Variants in VPS37C observed in about 807,000 individuals in gnomAD.
The protein encoded by VPS37C is VPS37C subunit of ESCRT-I.
Under a neutral mutation model 16.1 loss-of-function variants are expected in VPS37C, and 9 were observed. The observed-to-expected ratio is 0.56, with a 90% CI of 0.34 to 0.97. The LOEUF is 0.97. Ranked by LOEUF, VPS37C falls within the 50% of genes least tolerant of loss-of-function variation. VPS37C has a pLI of 0.02. For synonymous variants in VPS37C, 207 were observed against 206.4 expected (o/e 1.00, Z -0.02); for missense variants, 479 against 472.7 (o/e 1.01, Z -0.12).
intron 2 of VPS37C, among the ~76,000 whole-genome samples, chr11:61,134,481 A>C (rs139523333): frequency 2.2e-4 from 33 of 152,302 alleles, no homozygotes; most frequent in African/African-American, 7.9e-4. Flanking sequence ...AGGCCATGTG[A>C]TTGATATCCA....
At position 61,130,412 on chromosome 11, in the gene VPS37C, C is replaced by A; in HGVS notation, c.*1408G>T. 6.1e-6 allele frequency: 1 copy of A among 163,172 alleles called. No homozygotes were observed. Among genetic ancestry groups the A allele is most frequent in the Non-Finnish European group, 1.3e-5 (1 of 75,152 alleles). 10.1% of individuals were successfully genotyped at this position (163,172 alleles called of 1,614,324 possible). On this transcript the variant is annotated 3_prime_UTR_variant, in exon 5 of 5. Coordinates refer to ENST00000301765, the MANE Select transcript of VPS37C (RefSeq NM_017966.5). ...AGCACATTTGGTAAAGAACCGGCAG[C>A]GCTGACCTAGCGTCACGCGGATGGC... is the stretch of plus-strand genomic sequence containing the variant.
chr11:61,148,813 T>C (rs1359990607), intron 1 of VPS37C, among the ~76,000 whole-genome samples: 1 of 152,258 alleles, frequency 6.6e-6, no homozygotes, highest in East Asian at 1.9e-4. Context: ...AGTAGCTCAC[T>C]TCACAGCCTC....
chr11:61,131,488 C>T lies in VPS37C; in HGVS notation c.*332G>A. 1 of 260,206 alleles carries T rather than the reference C, an allele frequency of 3.8e-6. No individual in the cohort carries two copies. The allele number at this position is 260,206 out of a possible 1,614,324, so 16.1% of individuals were successfully genotyped here. Reference sequence around the variant, plus strand: ...AACTCTGCACTGGGTTCAAATGGCCCTGAGTGCAGCCGCAAGTAGATGCTC... The same window carrying T: ...AACTCTGCACTGGGTTCAAATGGCCTTGAGTGCAGCCGCAAGTAGATGCTC... On this transcript the variant is annotated 3_prime_UTR_variant, in exon 5 of 5. Coordinates refer to ENST00000301765, the MANE Select transcript of VPS37C (RefSeq NM_017966.5).
intron 1 of VPS37C, among the ~76,000 whole-genome samples, chr11:61,142,488 C>T (rs886430872): frequency 6.6e-6 from 1 of 152,122 alleles, no homozygotes; most frequent in Non-Finnish European, 1.5e-5. Flanking sequence ...CCCGCCTTGA[C>T]CTCCCAAAGT....
Position 61,159,078 on chromosome 11 carries a change from G to C in VPS37C, c.-7+2313C>G, listed in dbSNP as rs569552542. Among the ~76,000 whole-genome samples the C allele has an allele frequency of 4.6e-5, 7 of 152,328 alleles. No homozygotes were observed. The South Asian group carries it at 1.4e-3, about 32-fold the overall frequency. On this transcript the variant is annotated intron_variant, in intron 1 of 4. Transcript: ENST00000301765. ...GGTCTTGAGTGATCTAATTTTGTCA[G>C]CCTGGAAAACCCCTACTATTACTGG...
In VPS37C at chr11:61,139,428, G is replaced by A. The variant is rs560986124; in HGVS notation, c.-6-593C>T. ...GCCACCAAAATGGACTGTCATATGC[G>A]CATCCTCATAGAAGCAGGAAAAAAA... On this transcript the variant is annotated intron_variant, in intron 1 of 4. Coordinates refer to ENST00000301765, the MANE Select transcript of VPS37C (RefSeq NM_017966.5). Among the ~76,000 whole-genome samples the A allele has an allele frequency of 8.3e-5, 12 of 145,238 alleles. No individual in the cohort carries two copies. The East Asian group carries it at 8.7e-4, about 11-fold the overall frequency.
chr11:61,145,928 T>A (rs1317169342), intron 1 of VPS37C, among the ~76,000 whole-genome samples: 1 of 152,192 alleles, frequency 6.6e-6, no homozygotes, highest in Non-Finnish European at 1.5e-5. Flanking sequence ...CCCGGGAGGA[T>A]GCAGCACTGC....
At chr11:61,144,843 C>T (rs1035458861) in intron 1 of VPS37C, 10 of 152,276 alleles carry the variant, frequency 6.6e-5, no homozygotes, top group African/African-American at 2.4e-4. Context: ...GAGGCCTCCA[C>T]CAAGCTGCTA....
In VPS37C at chr11:61,132,235, G is replaced by C. The variant is rs750172701; in HGVS notation, c.653C>G (p.Thr218Ser). Residue 218 changes from threonine (T) to serine (S), a missense_variant, in exon 5 of 5, where the codon ACT becomes AGT. Transcript: ENST00000301765. The part of the protein sequence containing the change: ...SPSPSLPVGP[T>S]AHGALPPAPF... ...GGCCGGTGGCAGGGCTCCATGGGCA[G>C]TGGGGCCCACAGGCAGGCTGGGGGA... is the stretch of plus-strand genomic sequence containing the variant. The C allele has an allele frequency of 2.0e-6, 3 of 1,519,306 alleles. No homozygotes were observed. The highest frequency in any genetic ancestry group is 2.6e-6 in the Non-Finnish European group (3 of 1,133,340). 94.1% of individuals were successfully genotyped at this position (1,519,306 alleles called of 1,614,324 possible).
intron 1 of VPS37C, among the ~76,000 whole-genome samples, chr11:61,149,729 T>C (rs1435298062): frequency 6.6e-6 from 1 of 152,136 alleles, no homozygotes; most frequent in Non-Finnish European, 1.5e-5. Context: ...CATAGGGAAA[T>C]TGCTTCATGA....
intron 1 of VPS37C, chr11:61,145,299 G>GGGGT: frequency 6.6e-6 from 1 of 152,350 alleles, no homozygotes; most frequent in Admixed American, 6.5e-5. Flanking sequence ...GCCCATCAGA[G>GGGGT]GGGTGCAGTG....
intron 1 of VPS37C, among the ~76,000 whole-genome samples, chr11:61,156,944 G>A (rs960966840): frequency 3.3e-5 from 5 of 152,066 alleles, no homozygotes; most frequent in Non-Finnish European, 5.9e-5. Context: ...CTGTCTCTAC[G>A]AATTGGACTA....
intron 1 of VPS37C, chr11:61,145,179 T>C (rs1853179248): frequency 6.6e-6 from 1 of 152,232 alleles, no homozygotes; most frequent in Non-Finnish European, 1.5e-5. Flanking sequence ...TGAGCTTAAG[T>C]GCCTCCTATT....
chr11:61,141,877 G>A (rs909245777), intron 1 of VPS37C, among the ~76,000 whole-genome samples: 8 of 152,148 alleles, frequency 5.3e-5, no homozygotes, highest in South Asian at 2.1e-4. Context: ...AAGCTCTGTC[G>A]CAGGCAGCTA....
chr11:61,134,110 C>A lies in VPS37C; in HGVS notation c.191G>T (p.Arg64Leu), dbSNP rs745353366. 1.5e-5 allele frequency: 24 copies of A among 1,614,004 alleles called. No individual in the cohort carries two copies. Among genetic ancestry groups the A allele is most frequent in the Non-Finnish European group, 2.0e-5 (24 of 1,179,984 alleles). ...CTGGTATCTATCCGAGAGGTTTGAG[C>A]GGCTGATCTCCAGGGGACCCTGGAA... ...LEFQGPLEIS[R>L]SNLSDRYQEL... The change falls in exon 3 of 5, where the codon CGC becomes CTC. Residue 64 changes from arginine (R) to leucine (L), a missense_variant. Transcript: ENST00000301765.
chr11:61,152,405 G>C (rs531119029), intron 1 of VPS37C, among the ~76,000 whole-genome samples: 10 of 152,248 alleles, frequency 6.6e-5, no homozygotes, highest in African/African-American at 1.4e-4. Context: ...ATCAAACAAA[G>C]GGTGGCAAAG....
At chr11:61,143,900 TCCAC>T (rs1457193989) in intron 1 of VPS37C, 3 of 151,828 alleles carry the variant, frequency 2.0e-5, no homozygotes, top group African/African-American at 7.3e-5. Context: ...CCTCAAATGA[TCCAC>T]CTGCCTCAGC....
intron 1 of VPS37C, among the ~76,000 whole-genome samples, chr11:61,155,547 T>C (rs1853364928): frequency 6.6e-6 from 1 of 151,548 alleles, no homozygotes; most frequent in African/African-American, 2.4e-5. Context: ...ACTACTGATA[T>C]GAAACAATGC....
At chr11:61,148,358 CA>C (rs561672159) in intron 1 of VPS37C, among the ~76,000 whole-genome samples, 143 of 152,288 alleles carry the variant, frequency 9.4e-4, no homozygotes, top group African/African-American at 3.2e-3. Flanking sequence ...AAGCTGTTAC[CA>C]GGGCAACTTG....
Sources: gnomAD v4.1 joint callset for allele counts (sites outside exome capture counted in the v4.1 genomes callset) on GRCh38, gnomAD v4.1.1 for gene constraint, MANE v1.5 for transcripts, NCBI Gene and HGNC (gene_info 2026-07-23, HGNC 2026-07-21) for gene names.